Variants in CCDC102B observed in about 807,000 individuals in gnomAD.
The protein encoded by CCDC102B is coiled-coil domain containing 102B.
CCDC102B carries 75 observed loss-of-function variants against 57.4 expected under a neutral mutation model. The ratio of observed to expected loss-of-function variants is 1.31; its 90% CI spans 1.08 to 1.58. The LOEUF is 1.58. Among genes scored for constraint, CCDC102B ranks in the 40% most tolerant of loss-of-function variants. The probability of loss-of-function intolerance (pLI) is 0.00; values close to 1 mark genes in which losing one functional copy is unlikely to be tolerated. For missense variants in CCDC102B, 636 were observed against 582.6 expected (o/e 1.09, Z -0.94); for synonymous variants, 206 against 201.9 (o/e 1.02, Z -0.17).
chr18:68,729,457 C>G (rs1245287251), intron 2 of CCDC102B, among the ~76,000 whole-genome samples: 1 of 152,156 alleles, frequency 6.6e-6, no homozygotes, highest in Non-Finnish European at 1.5e-5. Context: ...AGTGTTGACA[C>G]AGGGATAGAC....
intron 6 of CCDC102B, among the ~76,000 whole-genome samples, chr18:68,971,782 A>G (rs937074861): frequency 1.3e-5 from 2 of 152,142 alleles, no homozygotes; most frequent in African/African-American, 4.8e-5. Context: ...AATAACATAC[A>G]TCATAGCATG....
At chr18:69,002,752 C>T (rs1173258249) in intron 6 of CCDC102B, among the ~76,000 whole-genome samples, 1 of 151,888 alleles carries the variant, frequency 6.6e-6, no homozygotes, top group African/African-American at 2.4e-5. Flanking sequence ...TTTTTAGAAA[C>T]GACGTATACT....
intron 6 of CCDC102B, among the ~76,000 whole-genome samples, chr18:68,911,751 C>CAA (rs74175338): frequency 0.024 from 430 of 17,824 alleles, 52 homozygotes; most frequent in African/African-American, 0.053. Flanking sequence ...GACTCCGTCT[C>CAA]AAAAAAAAAA....
intron 6 of CCDC102B, among the ~76,000 whole-genome samples, chr18:69,001,501 A>G (rs970508101): frequency 6.6e-6 from 1 of 152,156 alleles, no homozygotes; most frequent in Non-Finnish European, 1.5e-5. Context: ...GGAAAAAAAA[A>G]AAAAGAATCA....
At chr18:68,899,770 G>A (rs2145027012) in intron 6 of CCDC102B, 1 of 152,074 alleles carries the variant, frequency 6.6e-6, no homozygotes. Context: ...CAAAAAGGTA[G>A]GACTTTTCAC....
At chr18:68,762,260 C>T (rs2034277227) in intron 2 of CCDC102B, among the ~76,000 whole-genome samples, 1 of 152,104 alleles carries the variant, frequency 6.6e-6, no homozygotes, top group South Asian at 2.1e-4. Flanking sequence ...CTCTTATAAC[C>T]ACTTTGTCCT....
At chr18:68,964,190 C>T (rs959873722) in intron 6 of CCDC102B, among the ~76,000 whole-genome samples, 3 of 151,822 alleles carry the variant, frequency 2.0e-5, no homozygotes, top group Admixed American at 6.6e-5. Flanking sequence ...ATTAAATTAT[C>T]GTTTGCAGTA....
At chr18:68,841,153 A>G (rs920269596) in intron 3 of CCDC102B, among the ~76,000 whole-genome samples, 3 of 152,162 alleles carry the variant, frequency 2.0e-5, no homozygotes, top group African/African-American at 7.2e-5. Flanking sequence ...TTATAAATCC[A>G]TCTAATCTTT....
chr18:69,048,146 C>T (rs1568149127), intron 7 of CCDC102B, among the ~76,000 whole-genome samples: 1 of 151,216 alleles, frequency 6.6e-6, no homozygotes, highest in Non-Finnish European at 1.5e-5. Flanking sequence ...AGAAACATTT[C>T]TCATTCATCT....
intron 4 of CCDC102B, among the ~76,000 whole-genome samples, chr18:68,850,829 A>G (rs1362515458): frequency 6.6e-6 from 1 of 151,956 alleles, no homozygotes; most frequent in Non-Finnish European, 1.5e-5. Flanking sequence ...AAAATATCAT[A>G]CACCTCAGAC....
chr18:68,717,444 C>G (rs1000475568), intron 2 of CCDC102B, among the ~76,000 whole-genome samples: 8 of 152,074 alleles, frequency 5.3e-5, no homozygotes. Context: ...TAAAATTAAT[C>G]TCACCTGTTT....
chr18:69,032,444 A>G (rs1262053240), intron 7 of CCDC102B, among the ~76,000 whole-genome samples: 1 of 152,168 alleles, frequency 6.6e-6, no homozygotes, highest in African/African-American at 2.4e-5. Flanking sequence ...TCTCTGTACA[A>G]ATAATGAGCA....
chr18:68,989,216 C>G (rs1203239901), intron 6 of CCDC102B, among the ~76,000 whole-genome samples: 2 of 152,206 alleles, frequency 1.3e-5, no homozygotes, highest in Non-Finnish European at 1.5e-5. Context: ...TTCTTCTCTA[C>G]ATTTTTTGTC....
intron 2 of CCDC102B, among the ~76,000 whole-genome samples, chr18:68,837,744 A>G (rs2037447214): frequency 6.6e-6 from 1 of 152,100 alleles, no homozygotes; most frequent in Non-Finnish European, 1.5e-5. Context: ...TCACCTCCCT[A>G]AAGGCCCTGT....
chr18:68,737,334 G>A (rs1458034138), intron 2 of CCDC102B, among the ~76,000 whole-genome samples: 2 of 151,990 alleles, frequency 1.3e-5, no homozygotes, highest in African/African-American at 4.8e-5. Context: ...CTATGAGGAA[G>A]GCCAGTGGGA....
intron 4 of CCDC102B, among the ~76,000 whole-genome samples, chr18:68,849,307 G>A (rs1191282059): frequency 6.6e-6 from 1 of 152,088 alleles, no homozygotes; most frequent in Non-Finnish European, 1.5e-5. Context: ...TAGGTGTATG[G>A]TGGAATATTA....
upstream of CCDC102B, among the ~76,000 whole-genome samples, chr18:68,796,711 T>C (rs1019335827): frequency 4.6e-5 from 7 of 151,262 alleles, no homozygotes; most frequent in South Asian, 4.2e-4. Flanking sequence ...ACCAGGAGAG[T>C]GTTATGCCAA....
chr18:68,948,504 C>G (rs1033944335), intron 6 of CCDC102B, among the ~76,000 whole-genome samples: 1 of 150,804 alleles, frequency 6.6e-6, no homozygotes, highest in Admixed American at 6.6e-5. Context: ...TTGGAAAAAT[C>G]AATGAAACAT....
chr18:69,040,398 GTGTGTGTGTGTGTGTGTGTGTA>G (rs941332949), intron 7 of CCDC102B, among the ~76,000 whole-genome samples: 630 of 11,924 alleles, frequency 0.053, 1 homozygote, highest in African/African-American at 0.09. Context: ...GTGTGTGTGT[GTGTGTGTGTGTGTGTGTGTGTA>G]TGTGTGTGTG....
Sources: gnomAD v4.1 joint callset for allele counts (sites outside exome capture counted in the v4.1 genomes callset) on GRCh38, gnomAD v4.1.1 for gene constraint, MANE v1.5 for transcripts, NCBI Gene and HGNC (gene_info 2026-07-23, HGNC 2026-07-21) for gene names.